Variants in ROBO2 observed in about 807,000 individuals in gnomAD.
ROBO2 encodes the protein roundabout guidance receptor 2.
In ROBO2, 53 loss-of-function variants were observed where a neutral mutation model predicts 160.8. The ratio of observed to expected loss-of-function variants is 0.33; its 90% CI spans 0.26 to 0.41. The LOEUF is 0.41. Ranked by LOEUF, ROBO2 falls within the 10% of genes least tolerant of loss-of-function variation. The pLI is 1.00. For missense variants in ROBO2, 1,577 were observed against 1,722.4 expected (o/e 0.92, Z 1.49); for synonymous variants, 664 against 611.7 (o/e 1.09, Z -1.26).
intron 2 of ROBO2, among the ~76,000 whole-genome samples, chr3:76,384,841 C>T (rs920243188): frequency 3.9e-5 from 6 of 152,164 alleles, no homozygotes; most frequent in Non-Finnish European, 7.4e-5. Flanking sequence ...TCCCACGACA[C>T]GTGAGGATTA....
chr3:77,435,554 C>T (rs1446326583), intron 2 of ROBO2, among the ~76,000 whole-genome samples: 1 of 151,706 alleles, frequency 6.6e-6, no homozygotes, highest in Non-Finnish European at 1.5e-5. Flanking sequence ...ACTGTATTCC[C>T]ATGTTAACTA....
chr3:76,943,775 C>T (rs1459209073), intron 2 of ROBO2, among the ~76,000 whole-genome samples: 2 of 152,064 alleles, frequency 1.3e-5, no homozygotes, highest in African/African-American at 4.8e-5. Flanking sequence ...CTTTCTTTCG[C>T]CATTACAATA....
At chr3:76,077,349 G>T (rs1472375101) in intron 2 of ROBO2, among the ~76,000 whole-genome samples, 1 of 152,084 alleles carries the variant, frequency 6.6e-6, no homozygotes, top group Non-Finnish European at 1.5e-5. Context: ...GATCACTTGA[G>T]GTCAGGAGTT....
intron 1 of ROBO2, among the ~76,000 whole-genome samples, chr3:77,060,483 A>G (rs866549712): frequency 2.0e-4 from 31 of 152,230 alleles, no homozygotes; most frequent in Non-Finnish European, 5.9e-5. Flanking sequence ...TGGATTGCTC[A>G]TGAAAAATTT....
At chr3:76,207,027 TG>T (rs1702849272) in intron 2 of ROBO2, among the ~76,000 whole-genome samples, 2 of 152,180 alleles carry the variant, frequency 1.3e-5, no homozygotes, top group South Asian at 4.1e-4. Flanking sequence ...ACCATTAATA[TG>T]CAAGGTAATT....
intron 2 of ROBO2, among the ~76,000 whole-genome samples, chr3:76,289,372 C>G (rs1279805303): frequency 6.6e-6 from 1 of 151,964 alleles, no homozygotes; most frequent in Non-Finnish European, 1.5e-5. Context: ...ATTTAAGTTC[C>G]TTATAGATGC....
chr3:76,379,415 T>C (rs1284993274), intron 2 of ROBO2, among the ~76,000 whole-genome samples: 1 of 152,148 alleles, frequency 6.6e-6, no homozygotes, highest in Non-Finnish European at 1.5e-5. Context: ...TCTTTCTATG[T>C]AGAACAAATT....
At chr3:76,668,056 T>C (rs2092120672) in intron 2 of ROBO2, among the ~76,000 whole-genome samples, 1 of 152,178 alleles carries the variant, frequency 6.6e-6, no homozygotes, top group Admixed American at 6.5e-5. Flanking sequence ...GTTATGAATT[T>C]GAAAAATCCC....
chr3:77,369,079 C>A (rs1222604614), intron 2 of ROBO2, among the ~76,000 whole-genome samples: 2 of 152,132 alleles, frequency 1.3e-5, no homozygotes. Flanking sequence ...GTATCCTGTT[C>A]ATTCAAGAAA....
chr3:77,400,437 G>A (rs944496323), intron 2 of ROBO2, among the ~76,000 whole-genome samples: 3 of 152,106 alleles, frequency 2.0e-5, no homozygotes, highest in East Asian at 3.9e-4. Context: ...AGTCTTTTGG[G>A]GGGCCTTTTA....
chr3:77,126,714 T>TATATATATATA (rs1560065744), intron 2 of ROBO2, among the ~76,000 whole-genome samples: 2 of 137,640 alleles, frequency 1.5e-5, no homozygotes, highest in African/African-American at 6.8e-5. Flanking sequence ...ATATATATAT[T>TATATATATATA]TTTTTTCCTT....
intron 2 of ROBO2, among the ~76,000 whole-genome samples, chr3:76,730,236 A>C (rs1235894399): frequency 2.1e-5 from 2 of 93,910 alleles, no homozygotes; most frequent in East Asian, 3.1e-4. Flanking sequence ...ACCTCTCCTC[A>C]CCTCCTACTC....
At chr3:76,391,745 G>C (rs2077164552) in intron 2 of ROBO2, among the ~76,000 whole-genome samples, 1 of 152,080 alleles carries the variant, frequency 6.6e-6, no homozygotes, top group African/African-American at 2.4e-5. Flanking sequence ...TCCTGACCTT[G>C]TGATCTGCCC....
intron 2 of ROBO2, among the ~76,000 whole-genome samples, chr3:75,996,440 C>A (rs532270516): frequency 6.6e-6 from 1 of 152,258 alleles, no homozygotes; most frequent in Non-Finnish European, 1.5e-5. Context: ...GTGGCCTCCC[C>A]AGCCATGTGG....
intron 2 of ROBO2, among the ~76,000 whole-genome samples, chr3:76,847,517 A>G (rs2068888172): frequency 6.6e-6 from 1 of 152,178 alleles, no homozygotes; most frequent in Non-Finnish European, 1.5e-5. Context: ...CTATAGAAAA[A>G]TCATGCTTAA....
chr3:76,420,436 A>G (rs983208930), intron 2 of ROBO2, among the ~76,000 whole-genome samples: 1 of 152,230 alleles, frequency 6.6e-6, no homozygotes, highest in Admixed American at 6.5e-5. Context: ...AATTGCCGGC[A>G]TTGATCTACT....
At chr3:77,234,472 G>T (rs1212700557) in intron 2 of ROBO2, among the ~76,000 whole-genome samples, 4 of 152,090 alleles carry the variant, frequency 2.6e-5, no homozygotes, top group Admixed American at 2.6e-4. Context: ...AATGTGGACA[G>T]AAAAGAATAC....
intron 2 of ROBO2, among the ~76,000 whole-genome samples, chr3:76,646,532 A>C (rs1324079042): frequency 6.6e-6 from 1 of 152,208 alleles, no homozygotes; most frequent in African/African-American, 2.4e-5. Context: ...ATGAAATGTG[A>C]ATAATAAATA....
chr3:76,815,794 A>G (rs2065615915), intron 2 of ROBO2, among the ~76,000 whole-genome samples: 1 of 152,068 alleles, frequency 6.6e-6, no homozygotes, highest in Non-Finnish European at 1.5e-5. Flanking sequence ...TGATCTGTTT[A>G]GGCTTCAGTC....
Sources: gnomAD v4.1 joint callset for allele counts (sites outside exome capture counted in the v4.1 genomes callset) on GRCh38, gnomAD v4.1.1 for gene constraint, MANE v1.5 for transcripts, NCBI Gene and HGNC (gene_info 2026-07-23, HGNC 2026-07-21) for gene names.